PLXNA4: variants seen among roughly 807,000 people sequenced by gnomAD.
PLXNA4 encodes the protein plexin-A4.
PLXNA4 carries 44 observed loss-of-function variants against 191.8 expected under a neutral mutation model. The ratio of observed to expected loss-of-function variants is 0.23; its 90% CI spans 0.18 to 0.29. PLXNA4 has a LOEUF of 0.29. Ranked by LOEUF, PLXNA4 falls within the 10% of genes least tolerant of loss-of-function variation. The probability of loss-of-function intolerance (pLI) is 1.00; values close to 1 mark genes in which losing one functional copy is unlikely to be tolerated. For synonymous variants in PLXNA4, 1,082 were observed against 1,009.5 expected (o/e 1.07, Z -1.36); for missense variants, 1,800 against 2,488.8 (o/e 0.72, Z 5.89).
chr7:132,514,129 G>T (rs1798846211), intron 1 of PLXNA4, among the ~76,000 whole-genome samples: 1 of 150,650 alleles, frequency 6.6e-6, no homozygotes, highest in African/African-American at 2.4e-5. Context: ...TCAGCTCACT[G>T]CAAGCTCTGC....
chr7:132,328,347 C>T (rs1296639420), intron 3 of PLXNA4, among the ~76,000 whole-genome samples: 1 of 152,138 alleles, frequency 6.6e-6, no homozygotes, highest in African/African-American at 2.4e-5. Flanking sequence ...TGTCACCCTC[C>T]CCCACCCCAT....
intron 3 of PLXNA4, among the ~76,000 whole-genome samples, chr7:132,394,624 C>A (rs751914188): frequency 1.4e-4 from 22 of 152,322 alleles, no homozygotes; most frequent in South Asian, 8.3e-4. Flanking sequence ...CCTCTCTGGG[C>A]TAAGATTAGC....
intron 3 of PLXNA4, among the ~76,000 whole-genome samples, chr7:132,434,673 T>C (rs1277520854): frequency 6.6e-6 from 1 of 152,206 alleles, no homozygotes; most frequent in African/African-American, 2.4e-5. Context: ...TGAAAGAACA[T>C]GAACCCCATC....
At chr7:132,559,359 T>A (rs955262429) in intron 1 of PLXNA4, among the ~76,000 whole-genome samples, 1 of 152,124 alleles carries the variant, frequency 6.6e-6, no homozygotes, top group African/African-American at 2.4e-5. Flanking sequence ...ACAATTTTAT[T>A]AGCAGCTCTG....
intron 3 of PLXNA4, among the ~76,000 whole-genome samples, chr7:132,310,262 C>T (rs991963301): frequency 6.6e-6 from 1 of 152,228 alleles, no homozygotes; most frequent in Non-Finnish European, 1.5e-5. Flanking sequence ...CTGATACATG[C>T]AATATACATA....
chr7:132,452,592 G>A (rs544397608), intron 3 of PLXNA4, among the ~76,000 whole-genome samples: 1 of 152,186 alleles, frequency 6.6e-6, no homozygotes, highest in Admixed American at 6.5e-5. Flanking sequence ...AAGGTGTAAG[G>A]GTCCAGCTCC....
chr7:132,411,133 C>G (rs963636099), intron 3 of PLXNA4, among the ~76,000 whole-genome samples: 1 of 152,196 alleles, frequency 6.6e-6, no homozygotes, highest in Non-Finnish European at 1.5e-5. Flanking sequence ...GTATTCAGAG[C>G]TGGCAGAGAA....
intron 3 of PLXNA4, among the ~76,000 whole-genome samples, chr7:132,381,089 T>C (rs1416143886): frequency 6.6e-6 from 1 of 152,250 alleles, no homozygotes; most frequent in Non-Finnish European, 1.5e-5. Context: ...AATACAAGAT[T>C]ATGGAGTATC....
intron 2 of PLXNA4, among the ~76,000 whole-genome samples, chr7:132,586,215 A>G (rs1802502068): frequency 6.6e-6 from 1 of 152,214 alleles, no homozygotes; most frequent in Non-Finnish European, 1.5e-5. Context: ...AATCCTATTC[A>G]ACACATTTAC....
intron 30 of PLXNA4, among the ~76,000 whole-genome samples, chr7:132,133,587 C>A (rs1379390806): frequency 6.6e-6 from 1 of 152,080 alleles, no homozygotes; most frequent in East Asian, 1.9e-4. Context: ...TCCAGCAGGG[C>A]CCGAAGGCTC....
chr7:132,469,992 C>T (rs77509945), intron 3 of PLXNA4, among the ~76,000 whole-genome samples: 1 of 152,296 alleles, frequency 6.6e-6, no homozygotes, highest in Admixed American at 6.5e-5. Context: ...GGTTCAGTGG[C>T]AGATCTTCTC....
rs535686383 is a variant in PLXNA4, at chr7:132,124,679, T to C, written c.*5800A>G. On this transcript the variant is annotated 3_prime_UTR_variant, in exon 32 of 32. Transcript: ENST00000321063. ...AGCCTCCTTAAAGTTTGAGGAAAGC[T>C]GATAAGAGATGTGTAGGATTCGGCA... is the stretch of plus-strand genomic sequence containing the variant. 9.8e-5 allele frequency: 15 copies of C among 152,326 alleles called. No individual in the cohort carries two copies. The highest frequency in any genetic ancestry group is 3.1e-4 in the African/African-American group (13 of 41,578). The allele number at this position is 152,326 out of a possible 1,614,324, so 9.4% of individuals were successfully genotyped here.
At chr7:132,422,033 G>A (rs1794868687) in intron 3 of PLXNA4, among the ~76,000 whole-genome samples, 1 of 152,182 alleles carries the variant, frequency 6.6e-6, no homozygotes, top group African/African-American at 2.4e-5. Flanking sequence ...CCTTTCACAG[G>A]GAAGTCGTTG....
chr7:132,384,516 G>C (rs543892182), intron 3 of PLXNA4: 1 of 986,536 alleles, frequency 1.0e-6, no homozygotes, highest in South Asian at 4.7e-5. Context: ...CTTAAGGAAA[G>C]GAGACTGGAC....
At chr7:132,199,040 C>T (rs1797349624) in intron 12 of PLXNA4, among the ~76,000 whole-genome samples, 1 of 152,196 alleles carries the variant, frequency 6.6e-6, no homozygotes, top group South Asian at 2.1e-4. Flanking sequence ...TGTGACCCTA[C>T]CCACCTCTCA....
At position 132,285,547 on chromosome 7, in the gene PLXNA4, A is replaced by G. The variant is rs548841936; in HGVS notation, c.1503+12544T>C. 2.2e-4 allele frequency among the ~76,000 whole-genome samples: 34 copies of G among 152,316 alleles called. No homozygotes were observed. In the South Asian group the frequency reaches 6.2e-3, roughly 28 times the overall value. On this transcript the variant is annotated intron_variant, in intron 4 of 31. Transcript: ENST00000321063. ...TGTCTGCTTGTAATATCTGAAATGC[A>G]CTTGAAAGACTCATATGAGATATGT...
chr7:132,168,725 T>G (rs1014437683), intron 21 of PLXNA4, among the ~76,000 whole-genome samples, 153 bp from the exon 22 acceptor site: 1 of 152,094 alleles, frequency 6.6e-6, no homozygotes, highest in Non-Finnish European at 1.5e-5. Flanking sequence ...TAGCACTGAG[T>G]TAAGTATCTG....
intron 3 of PLXNA4, among the ~76,000 whole-genome samples, chr7:132,329,617 G>C (rs1372770182): frequency 1.3e-5 from 2 of 152,178 alleles, no homozygotes; most frequent in Non-Finnish European, 2.9e-5. Flanking sequence ...TGGGCCTCCA[G>C]CTCCTTTGGA....
At chr7:132,589,215 G>A (rs1163577225) in intron 2 of PLXNA4, among the ~76,000 whole-genome samples, 1 of 152,174 alleles carries the variant, frequency 6.6e-6, no homozygotes, top group Non-Finnish European at 1.5e-5. Flanking sequence ...ACAAATAGCT[G>A]TAGTAGTCTG....
Sources: allele counts gnomAD v4.1 joint callset (sites outside exome capture counted in the v4.1 genomes callset), GRCh38; gene constraint gnomAD v4.1.1; transcripts MANE v1.5; gene names NCBI Gene and HGNC (gene_info 2026-07-23, HGNC 2026-07-21).